Variants in TASP1 observed in about 807,000 individuals in gnomAD.
The protein encoded by TASP1 is taspase 1.
Under a neutral mutation model 56.6 loss-of-function variants are expected in TASP1, and 16 were observed. The observed-to-expected ratio is 0.28, with a 90% CI of 0.19 to 0.43. TASP1 has a LOEUF of 0.43. TASP1 is among the 20% of genes least tolerant of loss of function. The pLI, the probability that TASP1 is intolerant of heterozygous loss-of-function variation, is 1.00. For synonymous variants in TASP1, 179 were observed against 184.2 expected (o/e 0.97, Z 0.23); for missense variants, 393 against 511.6 (o/e 0.77, Z 2.24).
In TASP1 at chr20:13,566,984, C is replaced by T. The variant is rs117183867; in HGVS notation, c.568+2523G>A. Among the ~76,000 whole-genome samples the T allele has an allele frequency of 3.9e-4, 59 of 152,254 alleles. No individual in the cohort carries two copies. The East Asian group carries it at 9.3e-3, about 24-fold the overall frequency. The stretch of plus-strand genomic sequence containing the variant: ...ATAAAGACACATGCATGCATCTGTT[C>T]ACTGCAGCACTATTCACAACAGCAA... On this transcript the variant is annotated intron_variant, in intron 7 of 13. Transcript: ENST00000337743.
At chr20:13,198,148 ATT>A in the TASP1 span, among the ~76,000 whole-genome samples, 1 of 152,066 alleles carries the variant, frequency 6.6e-6, no homozygotes, top group East Asian at 1.9e-4. Flanking sequence ...GAATATCTAG[ATT>A]TTTTTTATTG....
the TASP1 span, among the ~76,000 whole-genome samples, chr20:13,348,537 A>G: frequency 4.6e-5 from 7 of 152,244 alleles, no homozygotes; most frequent in Non-Finnish European, 8.8e-5. Flanking sequence ...CCGTGCCTAG[A>G]GACCTAGCCT....
intron 2 of TASP1, among the ~76,000 whole-genome samples, chr20:13,629,621 A>G (rs376146108): frequency 3.9e-5 from 6 of 152,186 alleles, no homozygotes; most frequent in African/African-American, 1.2e-4. Flanking sequence ...TTTAAAAAAC[A>G]TAAACCAGAG....
chr20:13,328,062 C>T, the TASP1 span, among the ~76,000 whole-genome samples: 3 of 151,970 alleles, frequency 2.0e-5, no homozygotes, highest in African/African-American at 7.3e-5. Flanking sequence ...ATCCACCTGA[C>T]AAAGGTCTAA....
chr20:13,292,319 G>A, the TASP1 span: 5 of 1,049,800 alleles, frequency 4.8e-6, no homozygotes, highest in East Asian at 1.3e-4. Context: ...GTTGGGGTGG[G>A]GGAGATAACT....
the TASP1 span, among the ~76,000 whole-genome samples, chr20:13,129,034 G>A: frequency 1.3e-5 from 2 of 151,946 alleles, no homozygotes; most frequent in East Asian, 1.9e-4. Context: ...CCCCCACCAT[G>A]CCTGGCTATT....
At chr20:13,360,592 G>C in the TASP1 span, among the ~76,000 whole-genome samples, 2 of 152,184 alleles carry the variant, frequency 1.3e-5, no homozygotes, top group African/African-American at 4.8e-5. Flanking sequence ...CCTCATGTCT[G>C]CGTGCAGCAG....
At chr20:13,564,893 C>T (rs890545117) in intron 7 of TASP1, among the ~76,000 whole-genome samples, 4 of 151,374 alleles carry the variant, frequency 2.6e-5, no homozygotes, top group African/African-American at 9.7e-5. Context: ...GTAATCCCAA[C>T]TACACAGGAG....
chr20:13,228,325 GT>G, the TASP1 span, among the ~76,000 whole-genome samples: 1 of 151,872 alleles, frequency 6.6e-6, no homozygotes, highest in Non-Finnish European at 1.5e-5. Flanking sequence ...CTAGAACACA[GT>G]TTCAAAAATT....
chr20:13,357,428 AAAAG>A, the TASP1 span, among the ~76,000 whole-genome samples: 1 of 152,200 alleles, frequency 6.6e-6, no homozygotes. Context: ...ACAACAATGA[AAAAG>A]AAAGATAAAT....
At chr20:13,126,509 T>C in the TASP1 span, 1 of 1,527,442 alleles carries the variant, frequency 6.5e-7, no homozygotes, top group Admixed American at 1.9e-5. Context: ...GCTATGAGGA[T>C]AGGGATGGGA....
chr20:13,428,300 T>C (rs188500364), intron 12 of TASP1, among the ~76,000 whole-genome samples: 4 of 152,326 alleles, frequency 2.6e-5, no homozygotes, highest in South Asian at 2.1e-4. Context: ...GTTTATGCTA[T>C]ATATTTGCAT....
downstream of TASP1, among the ~76,000 whole-genome samples, chr20:13,386,846 C>G (rs1304462631): frequency 6.6e-6 from 1 of 152,116 alleles, no homozygotes; most frequent in Non-Finnish European, 1.5e-5. Flanking sequence ...TATCCAAATT[C>G]AATTTCACAT....
At chr20:13,434,914 A>T (rs1420014716) in intron 12 of TASP1, 130 bp downstream of exon 12, 3 of 583,262 alleles carry the variant, frequency 5.1e-6, no homozygotes, top group Non-Finnish European at 6.1e-6. Flanking sequence ...TAGAACAGGG[A>T]TGTTCAGATA....
At chr20:13,207,768 G>A in the TASP1 span, among the ~76,000 whole-genome samples, 1 of 152,278 alleles carries the variant, frequency 6.6e-6, no homozygotes, top group Non-Finnish European at 1.5e-5. Context: ...TAATCTCATA[G>A]AGAAACACCC....
At chr20:13,554,511 T>C (rs1311318698) in intron 8 of TASP1, among the ~76,000 whole-genome samples, 1 of 66,506 alleles carries the variant, frequency 1.5e-5, no homozygotes, top group African/African-American at 1.3e-4. Flanking sequence ...AATCGATTAC[T>C]TTAAAAGAAA....
At chr20:13,520,283 A>C (rs1484423106) in intron 10 of TASP1, among the ~76,000 whole-genome samples, 1 of 152,218 alleles carries the variant, frequency 6.6e-6, no homozygotes, top group African/African-American at 2.4e-5. Context: ...TTTAAAGTTC[A>C]TATGAAACCA....
intron 12 of TASP1, among the ~76,000 whole-genome samples, chr20:13,432,177 A>G (rs1167746427): frequency 1.3e-5 from 2 of 152,236 alleles, no homozygotes; most frequent in African/African-American, 4.8e-5. Flanking sequence ...CTAAAATACA[A>G]TAAAATTAAA....
At chr20:13,429,959 T>C (rs993597908) in intron 12 of TASP1, among the ~76,000 whole-genome samples, 1 of 151,952 alleles carries the variant, frequency 6.6e-6, no homozygotes, top group African/African-American at 2.4e-5. Context: ...AGAGTTGTTA[T>C]ATAGAAAGAA....
Sources: allele counts gnomAD v4.1 joint callset (sites outside exome capture counted in the v4.1 genomes callset), GRCh38; gene constraint gnomAD v4.1.1; transcripts MANE v1.5; gene names NCBI Gene and HGNC (gene_info 2026-07-23, HGNC 2026-07-21).